Variants in MROH2A observed in about 807,000 individuals in gnomAD.
MROH2A encodes maestro heat-like repeat-containing protein family member 2A.
In MROH2A, 174 loss-of-function variants were observed where a neutral mutation model predicts 200.4. The ratio of observed to expected loss-of-function variants is 0.87; its 90% CI spans 0.77 to 0.98. The LOEUF is 0.98. MROH2A is among the 50% of genes least tolerant of loss of function. MROH2A has a pLI of 0.00. For missense variants in MROH2A, 2,045 were observed against 2,139.6 expected (o/e 0.96, Z 0.87); for synonymous variants, 829 against 840.4 (o/e 0.99, Z 0.23).
intron 25 of MROH2A, among the ~76,000 whole-genome samples, chr2:233,814,083 T>G (rs1342511181): frequency 6.6e-6 from 1 of 152,214 alleles, no homozygotes; most frequent in Non-Finnish European, 1.5e-5. Context: ...GGAGTCCTCC[T>G]GCCCATCCTC....
chr2:233,793,601 C>G, intron 6 of MROH2A, 72 bp from the exon 7 acceptor site: 1 of 1,302,484 alleles, frequency 7.7e-7, no homozygotes, highest in Non-Finnish European at 9.9e-7. Flanking sequence ...ACTCGGGAAG[C>G]TGGGCTGGGA....
At chr2:233,823,780 C>CCT in intron 35 of MROH2A, 116 bp downstream of exon 35, 3 of 1,341,570 alleles carry the variant, frequency 2.2e-6, no homozygotes, top group Non-Finnish European at 3.0e-6. Flanking sequence ...GGCGAGCGCC[C>CCT]CTCCTCTGAG....
At position 233,795,993 on chromosome 2, in the gene MROH2A, T is replaced by A. The variant is rs1334293235; in HGVS notation, c.1086T>A (p.His362Gln). 2 of 1,550,460 alleles carry A rather than the reference T, an allele frequency of 1.3e-6. No individual in the cohort carries two copies. The highest frequency in any genetic ancestry group is 1.4e-5 in the African/African-American group (1 of 73,040). The change falls in exon 10 of 42, where the codon CAT becomes CAA. Residue 362 changes from histidine to glutamine, a missense_variant. Transcript: ENST00000389758. ...VQVCNKAPAQHQYSSQNLMEM... is the reference protein window; with the variant it reads ...VQVCNKAPAQQQYSSQNLMEM... Reference sequence around the variant, plus strand: ...TGTGCAACAAGGCCCCGGCCCAGCATCAGTACAGCAGCCAGAATCTGATGG... The same window carrying A: ...TGTGCAACAAGGCCCCGGCCCAGCAACAGTACAGCAGCCAGAATCTGATGG...
At chr2:233,817,710 G>A (rs755340329) in intron 27 of MROH2A, among the ~76,000 whole-genome samples, 1 of 152,198 alleles carries the variant, frequency 6.6e-6, no homozygotes, top group East Asian at 1.9e-4. Context: ...CCCAGGGTTC[G>A]TTACAGGAAC....
In MROH2A at chr2:233,830,438, C is replaced by T. The variant is rs553388045; in HGVS notation, c.4602+663C>T. ...GGCTGATTTGGGGAGGTTCTGCCCCCGCCTAGTAAGCCTTGGGACGCAGCT... is the reference window on the plus strand; with the variant it reads ...GGCTGATTTGGGGAGGTTCTGCCCCTGCCTAGTAAGCCTTGGGACGCAGCT... On this transcript the variant is annotated intron_variant, in intron 38 of 41. Coordinates refer to ENST00000389758, the MANE Select transcript of MROH2A (RefSeq NM_001394639.1). Among the ~76,000 whole-genome samples the T allele has an allele frequency of 1.1e-4, 16 of 152,286 alleles. 1 individual carries two copies. Among genetic ancestry groups the T allele is most frequent in the Middle Eastern group, 3.4e-3 (1 of 294 alleles).
intron 21 of MROH2A, among the ~76,000 whole-genome samples, chr2:233,808,869 C>T (rs1164306834): frequency 6.6e-6 from 1 of 152,174 alleles, no homozygotes; most frequent in Non-Finnish European, 1.5e-5. Context: ...GTGGTCTGGG[C>T]GTCTATAGCC....
At chr2:233,805,886 A>C (rs539510616) in intron 19 of MROH2A, among the ~76,000 whole-genome samples, 1 of 152,224 alleles carries the variant, frequency 6.6e-6, no homozygotes, top group Admixed American at 6.5e-5. Context: ...ATGAAATTGG[A>C]TATCTTCCTC....
In MROH2A at chr2:233,802,255, G is replaced by A; in HGVS notation, c.1648G>A (p.Ala550Thr). ...TATCTGTATCAGCCTCACAAACCTG[G>A]CAGAACACCAGCTCCATGGCCAGGA... ...TPICISLTNL[A>T]EHQLHGQDVD... The change falls in exon 15 of 42, where the codon GCA (alanine) becomes ACA (threonine). Residue 550 changes from alanine to threonine, a missense_variant. Ala to Thr is a moderately conservative substitution (Grantham distance 58). Around this residue, in one of 3 missense-constraint regions of MROH2A, gnomAD observed 831 missense variants for 800.0 expected, o/e 1.04. Coordinates refer to ENST00000389758, the MANE Select transcript of MROH2A (RefSeq NM_001394639.1). 6.4e-7 allele frequency: 1 copy of A among 1,550,510 alleles called. No homozygotes were observed. Among genetic ancestry groups the A allele is most frequent in the Non-Finnish European group, 8.7e-7 (1 of 1,146,894 alleles).
At chr2:233,831,638 A>G (rs1704762249) in intron 39 of MROH2A, 98 bp downstream of exon 39, 4 of 1,327,720 alleles carry the variant, frequency 3.0e-6, no homozygotes, top group South Asian at 1.5e-5. Context: ...TTGGGGCCCT[A>G]TGTTTACCTT....
chr2:233,790,794 A>T (rs1236011825), intron 5 of MROH2A, among the ~76,000 whole-genome samples: 1 of 151,612 alleles, frequency 6.6e-6, no homozygotes, highest in South Asian at 2.1e-4. Context: ...CCACTACAAT[A>T]CATAAGACAC....
At chr2:233,793,411 C>T (rs1251786537) in intron 6 of MROH2A, among the ~76,000 whole-genome samples, 1 of 152,206 alleles carries the variant, frequency 6.6e-6, no homozygotes, top group Non-Finnish European at 1.5e-5. Context: ...AGGATGTGGG[C>T]AGGGTCATAC....
chr2:233,821,984 G>A (rs1703967416), intron 31 of MROH2A, 140 bp from the exon 32 acceptor site: 1 of 1,005,700 alleles, frequency 9.9e-7, no homozygotes, highest in Non-Finnish European at 1.4e-6. Context: ...GCAAATTTTG[G>A]CGGCTCCCTC....
In MROH2A at chr2:233,807,704, T is replaced by TC; in HGVS notation, c.2173-28dup. 1 of 1,550,630 alleles carries TC rather than the reference T, an allele frequency of 6.4e-7. No individual in the cohort carries two copies. The highest frequency in any genetic ancestry group is 8.7e-7 in the Non-Finnish European group (1 of 1,146,990). On this transcript the variant is annotated intron_variant, in intron 20 of 41. Coordinates refer to ENST00000389758, the MANE Select transcript of MROH2A (RefSeq NM_001394639.1). This position sits in a 1 kb window ranked among gnomAD's most constrained non-coding sequence, Gnocchi z 4.3. ...CTCCTCTGCCCACTGGCCCCTGCCC[T>TC]CACCCTGGCTGGCTGGGTCTCCCTG...
intron 40 of MROH2A, 131 bp downstream of exon 40, chr2:233,832,410 C>G: frequency 1.0e-6 from 1 of 957,808 alleles, no homozygotes; most frequent in Non-Finnish European, 1.6e-6. Flanking sequence ...AGGTCTAAGC[C>G]CTGCACTGTG....
intron 23 of MROH2A, 57 bp from the exon 24 acceptor site, chr2:233,811,823 G>T: frequency 2.7e-6 from 3 of 1,097,734 alleles, no homozygotes. Context: ...TAACACTGGG[G>T]AGTGCTGCCG....
chr2:233,811,412 G>A (rs11562968), intron 23 of MROH2A, among the ~76,000 whole-genome samples: 32,586 of 152,204 alleles, frequency 0.21, 3,582 homozygotes, highest in East Asian at 0.3. Context: ...CATTGCCAGT[G>A]CCTTGGCCTC....
chr2:233,827,806 T>C (rs1301990295), intron 35 of MROH2A, among the ~76,000 whole-genome samples: 1 of 119,520 alleles, frequency 8.4e-6, no homozygotes, highest in African/African-American at 2.5e-5. Flanking sequence ...GGATGGATTA[T>C]AAATGATTTT....
chr2:233,813,271 A>AGCTGCTGCTGCTGCTGCTGCTGCT lies in MROH2A; in HGVS notation c.2652-377_2652-376insCTGCTGCTGCTGCTGCTGCTGCTG, dbSNP rs895511669. Among the ~76,000 whole-genome samples, 42 of 152,022 alleles carry AGCTGCTGCTGCTGCTGCTGCTGCT rather than the reference A, an allele frequency of 2.8e-4. No individual in the cohort carries two copies. The East Asian group carries it at 5.2e-3, about 19-fold the overall frequency. Reference sequence around the variant, plus strand: ...GTGTTTCTCATAAATTCCAAGGTGAAGCTGCTGCTGCTGCTGCTGCTGGTG... The same window carrying AGCTGCTGCTGCTGCTGCTGCTGCT: ...GTGTTTCTCATAAATTCCAAGGTGAAGCTGCTGCTGCTGCTGCTGCTGCTGCTGCTGCTGCTGCTGCTGCTGGTG... On this transcript the variant is annotated intron_variant, in intron 24 of 41. Coordinates refer to ENST00000389758, the MANE Select transcript of MROH2A (RefSeq NM_001394639.1).
chr2:233,803,950 G>T, intron 16 of MROH2A, 101 bp from the exon 17 acceptor site: 1 of 1,424,130 alleles, frequency 7.0e-7, no homozygotes, highest in Non-Finnish European at 9.4e-7. Flanking sequence ...GAAAACCACC[G>T]ATCTTGTCCA....
Sources: gnomAD v4.1 joint callset for allele counts (sites outside exome capture counted in the v4.1 genomes callset) on GRCh38, gnomAD v4.1.1 for gene constraint, gnomAD v4.1.1 regional missense constraint, Gnocchi (gnomAD v3.1) non-coding constraint, MANE v1.5 for transcripts, NCBI Gene and HGNC (gene_info 2026-07-23, HGNC 2026-07-21) for gene names.